Variants in APOBEC3G observed in about 807,000 individuals in gnomAD.
The protein encoded by APOBEC3G is DNA dC->dU-editing enzyme APOBEC-3G.
APOBEC3G carries 44 observed loss-of-function variants against 50.0 expected under a neutral mutation model. The observed-to-expected ratio is 0.88, with a 90% CI of 0.69 to 1.13. APOBEC3G has a LOEUF of 1.13. Among genes scored for constraint, APOBEC3G ranks in the 50% most tolerant of loss-of-function variants. APOBEC3G has a pLI of 0.00. For synonymous variants in APOBEC3G, 156 were observed against 175.3 expected, an observed-to-expected ratio of 0.89 and a Z score of 0.87; for missense variants, 469 against 492.0, an observed-to-expected ratio of 0.95 and a Z score of 0.44.
intron 3 of APOBEC3G, 78 bp downstream of exon 3, chr22:39,081,305 G>T (rs1165987681): frequency 6.4e-7 from 1 of 1,572,990 alleles, no homozygotes; most frequent in African/African-American, 1.3e-5. Flanking sequence ...CATACCTGTG[G>T]GTCTGCTCTG....
chr22:39,084,190 G>C (rs953348761), intron 5 of APOBEC3G, among the ~76,000 whole-genome samples: 1 of 152,188 alleles, frequency 6.6e-6, no homozygotes, highest in Non-Finnish European at 1.5e-5. Flanking sequence ...GAGAGGGTCA[G>C]GGCAGAGGAA....
At chr22:39,078,872 A>C (rs1928291514) in intron 1 of APOBEC3G, 60 bp from the exon 2 acceptor site, 2 of 1,598,562 alleles carry the variant, frequency 1.3e-6, no homozygotes, top group Non-Finnish European at 1.7e-6. Flanking sequence ...AGTGGACATC[A>C]GCCCGGAGGG....
Position 39,083,589 on chromosome 22 carries a change from C to T in APOBEC3G, c.582-142C>T, listed in dbSNP as rs1928567135. ...AGGCTCTAGCAAGTGAGTGGGAGCC[C>T]CTTCTGACAGGTGCTAAGGGATGTG... On this transcript the variant is annotated intron_variant, in intron 4 of 7. Coordinates refer to ENST00000407997, the MANE Select transcript of APOBEC3G (RefSeq NM_021822.4). 5 of 973,972 alleles carry T rather than the reference C, an allele frequency of 5.1e-6. No homozygotes were observed. The East Asian group carries it at 1.0e-4, about 20-fold the overall frequency. 60.3% of individuals were successfully genotyped at this position (973,972 alleles called of 1,614,324 possible).
At position 39,079,025 on chromosome 22, in the gene APOBEC3G, C is replaced by T. The variant is rs764668980; in HGVS notation, c.111C>T (p.Tyr37=). 54 of 1,614,082 alleles carry T rather than the reference C, an allele frequency of 3.3e-5. No homozygotes were observed. The South Asian group carries it at 4.9e-4, about 15-fold the overall frequency. Residue 37 remains tyrosine, a synonymous_variant, in exon 2 of 8, where the codon TAC becomes TAT. Coordinates refer to ENST00000407997, the MANE Select transcript of APOBEC3G (RefSeq NM_021822.4). ...LSRRNTVWLC[Y]EVKTKGPSRP... ...GTCGGAATACCGTCTGGCTGTGCTA[C>T]GAAGTGAAAACAAAGGGTCCCTCAA...
In APOBEC3G at chr22:39,083,721, C is replaced by A; in HGVS notation, c.582-10C>A. The A allele has an allele frequency of 1.2e-6, 2 of 1,613,306 alleles. No individual in the cohort carries two copies. Among genetic ancestry groups the A allele is most frequent in the African/African-American group, 1.3e-5 (1 of 75,022 alleles). On this transcript the variant is annotated splice_polypyrimidine_tract_variant and intron_variant, in intron 4 of 7. Coordinates refer to ENST00000407997, the MANE Select transcript of APOBEC3G (RefSeq NM_021822.4). ...CTCTTACTCCTCTGGGCTTTTCCCC[C>A]ACTTTCCAGACACTCGATGGATCCA... is the stretch of plus-strand genomic sequence containing the variant.
In APOBEC3G at chr22:39,083,826, G is replaced by A. The variant is rs780901950; in HGVS notation, c.677G>A (p.Arg226His). The A allele has an allele frequency of 1.2e-5, 19 of 1,613,968 alleles. 1 individual carries two copies. Among genetic ancestry groups the A allele is most frequent in the Admixed American group, 8.3e-5 (5 of 60,010 alleles). ...HETYLCYEVE[R>H]MHNDTWVLLN... Reference sequence around the variant, plus strand: ...ACTTACCTGTGTTATGAGGTGGAGCGCATGCACAATGACACCTGGGTCCTG... The same window carrying A: ...ACTTACCTGTGTTATGAGGTGGAGCACATGCACAATGACACCTGGGTCCTG... Residue 226 changes from arginine to histidine, a missense_variant, in exon 5 of 8, where the codon CGC becomes CAC. Coordinates refer to ENST00000407997, the MANE Select transcript of APOBEC3G (RefSeq NM_021822.4).
intron 3 of APOBEC3G, 39 bp downstream of exon 3, chr22:39,081,266 T>A: frequency 6.2e-7 from 1 of 1,600,854 alleles, no homozygotes. Flanking sequence ...GAGAGACTGC[T>A]TAAGTGTCTG....
intron 6 of APOBEC3G, 22 bp from the exon 7 acceptor site, chr22:39,086,989 T>A (rs1426763153): frequency 1.9e-6 from 3 of 1,582,074 alleles, no homozygotes; most frequent in Non-Finnish European, 2.6e-6. Flanking sequence ...GAGTGTGACT[T>A]ATCTCCCCTG....
intron 2 of APOBEC3G, 197 bp from the exon 3 acceptor site, chr22:39,080,736 G>T: frequency 5.0e-6 from 3 of 601,860 alleles, no homozygotes; most frequent in Non-Finnish European, 8.8e-6. Flanking sequence ...ACCTCTTAAG[G>T]CCATTACCAT....
At chr22:39,077,466 G>A (rs879912026) in intron 1 of APOBEC3G, 88 bp downstream of exon 1, 14 of 1,546,812 alleles carry the variant, frequency 9.1e-6, no homozygotes, top group Non-Finnish European at 1.2e-5. Flanking sequence ...GCCTTCCCCT[G>A]CCCCAGCCCC....
intron 5 of APOBEC3G, 61 bp downstream of exon 5, chr22:39,083,945 C>A: frequency 2.5e-6 from 4 of 1,577,080 alleles, no homozygotes; most frequent in Non-Finnish European, 2.6e-6. Flanking sequence ...CACCCATGGG[C>A]AGAAGGTTCT....
Position 39,086,505 on chromosome 22 carries a change from G to T in APOBEC3G, c.962G>T (p.Cys321Phe). The change falls in exon 6 of 8, where the codon TGT (cysteine) becomes TTT (phenylalanine). Residue 321 changes from cysteine to phenylalanine, a missense_variant. Transcript: ENST00000407997. ...TARIYDDQGR[C>F]QEGLRTLAEA... The stretch of plus-strand genomic sequence containing the variant: ...CGCATCTATGATGATCAAGGAAGAT[G>T]TCAGGAGGGGCTGCGCACCCTGGCC... The T allele has an allele frequency of 6.2e-7, 1 of 1,614,016 alleles. No individual in the cohort carries two copies. The highest frequency in any genetic ancestry group is 8.5e-7 in the Non-Finnish European group (1 of 1,179,914).
chr22:39,080,769 CT>C (rs1439057685), intron 2 of APOBEC3G, 163 bp from the exon 3 acceptor site: 4 of 667,612 alleles, frequency 6.0e-6, no homozygotes, highest in Non-Finnish European at 1.0e-5. Flanking sequence ...TGAACATGAG[CT>C]TTGGAGCAGA....
intron 1 of APOBEC3G, among the ~76,000 whole-genome samples, chr22:39,078,133 C>T (rs573182322): frequency 2.0e-5 from 3 of 152,204 alleles, no homozygotes; most frequent in African/African-American, 7.2e-5. Context: ...GTGGCGGGCG[C>T]CTGTAATCGC....
At chr22:39,078,800 C>A in intron 1 of APOBEC3G, 132 bp from the exon 2 acceptor site, 1 of 1,350,718 alleles carries the variant, frequency 7.4e-7, no homozygotes, top group Non-Finnish European at 9.9e-7. Context: ...ACAGTCTCCG[C>A]CGAAATTCTC....
At chr22:39,080,708 T>C in intron 2 of APOBEC3G, 1 of 554,508 alleles carries the variant, frequency 1.8e-6, no homozygotes, top group Non-Finnish European at 3.2e-6. Context: ...CACAGCCTCA[T>C]AGCTGCTTGT....
At chr22:39,085,561 C>T (rs938587851) in intron 5 of APOBEC3G, among the ~76,000 whole-genome samples, 9 of 152,140 alleles carry the variant, frequency 5.9e-5, no homozygotes, top group Non-Finnish European at 1.0e-4. Context: ...GAAATCTCAT[C>T]GTAATGGAAA....
chr22:39,083,771 A>G lies in APOBEC3G; in HGVS notation c.622A>G (p.Asn208Asp). The G allele has an allele frequency of 6.2e-7, 1 of 1,613,956 alleles. No individual in the cohort carries two copies. The highest frequency in any genetic ancestry group is 1.7e-4 in the Middle Eastern group (1 of 6,058). ...DPPTFTFNFNNEPWVRGRHET... is the reference protein window; with the variant it reads ...DPPTFTFNFNDEPWVRGRHET... The stretch of plus-strand genomic sequence containing the variant: ...ACCCACATTCACTTTCAACTTTAAC[A>G]ATGAACCTTGGGTCAGAGGACGGCA... Residue 208 changes from asparagine to aspartate, a missense_variant, in exon 5 of 8, where the codon AAT becomes GAT. Asn to Asp is a conservative substitution (Grantham distance 23). Transcript: ENST00000407997.
chr22:39,085,865 T>A (rs1928667250), intron 5 of APOBEC3G, among the ~76,000 whole-genome samples: 1 of 151,986 alleles, frequency 6.6e-6, no homozygotes, highest in Non-Finnish European at 1.5e-5. Flanking sequence ...CCAGCCTGAG[T>A]GACAGAACCA....
Sources: allele counts gnomAD v4.1 joint callset (sites outside exome capture counted in the v4.1 genomes callset), GRCh38; gene constraint gnomAD v4.1.1; transcripts MANE v1.5; gene names NCBI Gene and HGNC (gene_info 2026-07-23, HGNC 2026-07-21).